The following RNFT2 variants were observed in gnomAD, a reference collection of about 807,000 sequenced individuals.
RNFT2 encodes the protein ring finger protein, transmembrane 2, also known as E3 ubiquitin-protein ligase RNFT2.
In RNFT2, 36 loss-of-function variants were observed where a neutral mutation model predicts 53.0. The observed-to-expected ratio is 0.68, with a 90% CI of 0.52 to 0.90. The LOEUF is 0.90. RNFT2 is among the 40% of genes least tolerant of loss of function. The pLI, the probability that RNFT2 is intolerant of heterozygous loss-of-function variation, is 0.00. For missense variants in RNFT2, 514 were observed against 585.6 expected, an observed-to-expected ratio of 0.88 and a Z score of 1.26; for synonymous variants, 260 against 253.2, an observed-to-expected ratio of 1.03 and a Z score of -0.26.
chr12:116,748,600 T>C (rs1872023623), intron 3 of RNFT2: 2 of 426,712 alleles, frequency 4.7e-6, no homozygotes, highest in Non-Finnish European at 4.7e-6. Context: ...AGCTGGAGTT[T>C]GAATGTGGGC....
intron 7 of RNFT2, among the ~76,000 whole-genome samples, chr12:116,806,179 G>C (rs1025757332): frequency 1.3e-5 from 2 of 151,984 alleles, no homozygotes; most frequent in African/African-American, 4.8e-5. Context: ...CCAGGAGTTC[G>C]AGACCAGCCT....
chr12:116,790,516 T>C (rs550090662), intron 7 of RNFT2, among the ~76,000 whole-genome samples: 28 of 152,348 alleles, frequency 1.8e-4, no homozygotes, highest in African/African-American at 6.7e-4. Context: ...AACAAACTTA[T>C]AGCAGCGGGA....
chr12:116,766,752 A>G, intron 5 of RNFT2, 62 bp from the exon 6 acceptor site: 2 of 1,244,904 alleles, frequency 1.6e-6, no homozygotes, highest in Non-Finnish European at 2.3e-6. Flanking sequence ...TCATCAGGGT[A>G]CATTCTGGAA....
chr12:116,766,900 G>A lies in RNFT2; in HGVS notation c.714G>A (p.Gln238=). 1 of 1,584,456 alleles carries A rather than the reference G, an allele frequency of 6.3e-7. No homozygotes were observed. The highest frequency in any genetic ancestry group is 1.8e-5 in the Admixed American group (1 of 55,236). Residue 238 remains glutamine, a synonymous_variant, in exon 6 of 11, where the codon CAG becomes CAA. Coordinates refer to ENST00000257575, the MANE Select transcript of RNFT2 (RefSeq NM_001382266.1). ...ATGTGCTTTATACATTCAGCTCCCA[G>A]CAGCTGTACAACAGGTGAGCATGGG... ...TLYVLYTFSS[Q]QLYNSLIFLK...
chr12:116,780,908 C>G (rs184431463), intron 7 of RNFT2, among the ~76,000 whole-genome samples: 1,695 of 152,240 alleles, frequency 0.011, 13 homozygotes, highest in African/African-American at 0.012. Flanking sequence ...CAGATCCCAG[C>G]CATACGCCTC....
At chr12:116,741,640 G>A (rs1049933274) in intron 3 of RNFT2, among the ~76,000 whole-genome samples, 1 of 152,080 alleles carries the variant, frequency 6.6e-6, no homozygotes, top group South Asian at 2.1e-4. Flanking sequence ...CTTCCAATAC[G>A]ATCAAATTAC....
chr12:116,808,242 C>A (rs1875182036), intron 7 of RNFT2, among the ~76,000 whole-genome samples: 1 of 151,962 alleles, frequency 6.6e-6, no homozygotes, highest in African/African-American at 2.4e-5. Flanking sequence ...TCGTAAGCCA[C>A]CACACCTGGC....
At chr12:116,801,799 GTTTT>G (rs1264361379) in intron 7 of RNFT2, among the ~76,000 whole-genome samples, 43 of 143,042 alleles carry the variant, frequency 3.0e-4, no homozygotes, top group African/African-American at 9.7e-4. Flanking sequence ...TTTCTGTGGG[GTTTT>G]TTTTGTTTGT....
chr12:116,787,859 C>T (rs1874008913), intron 7 of RNFT2, among the ~76,000 whole-genome samples: 1 of 152,172 alleles, frequency 6.6e-6, no homozygotes, highest in Non-Finnish European at 1.5e-5. Flanking sequence ...CCCTCTCCCT[C>T]TTTCACTCCC....
intron 7 of RNFT2, among the ~76,000 whole-genome samples, chr12:116,805,550 G>T (rs1194526996): frequency 6.6e-6 from 1 of 152,068 alleles, no homozygotes; most frequent in East Asian, 1.9e-4. Context: ...TCTCAGCTCA[G>T]TATAACCTTC....
intron 7 of RNFT2, among the ~76,000 whole-genome samples, chr12:116,785,720 C>T (rs969946672): frequency 9.9e-5 from 15 of 152,112 alleles, no homozygotes; most frequent in Non-Finnish European, 2.1e-4. Context: ...CTCAATCCTG[C>T]CCTGTGCCTT....
At chr12:116,744,793 G>A (rs926119405) in intron 3 of RNFT2, among the ~76,000 whole-genome samples, 26 of 152,170 alleles carry the variant, frequency 1.7e-4, no homozygotes, top group African/African-American at 5.8e-4. Context: ...AAGCCCCTTG[G>A]TGAGTTGAGT....
At chr12:116,815,886 C>G (rs1422157600) in intron 7 of RNFT2, among the ~76,000 whole-genome samples, 1 of 152,110 alleles carries the variant, frequency 6.6e-6, no homozygotes, top group Non-Finnish European at 1.5e-5. Flanking sequence ...CACTTGAGGA[C>G]CCTGTTTGTC....
chr12:116,828,032 C>A (rs141614443), intron 7 of RNFT2, among the ~76,000 whole-genome samples: 1 of 152,174 alleles, frequency 6.6e-6, no homozygotes, highest in Non-Finnish European at 1.5e-5. Flanking sequence ...GGCAGGGGCT[C>A]CCAGAGACAC....
chr12:116,836,823 T>G, intron 10 of RNFT2, among the ~76,000 whole-genome samples: 1 of 151,814 alleles, frequency 6.6e-6, no homozygotes, highest in East Asian at 1.9e-4. Context: ...CCAGCTACTC[T>G]GGAAGCTGAG....
chr12:116,833,091 G>A (rs1876767219), intron 7 of RNFT2, among the ~76,000 whole-genome samples: 1 of 151,860 alleles, frequency 6.6e-6, no homozygotes, highest in South Asian at 2.1e-4. Flanking sequence ...GCTAATTTTT[G>A]TATTTTTAGT....
intron 3 of RNFT2, among the ~76,000 whole-genome samples, chr12:116,742,734 G>C (rs1164651077): frequency 6.6e-6 from 1 of 152,130 alleles, no homozygotes; most frequent in Non-Finnish European, 1.5e-5. Flanking sequence ...CCTGAGTCCA[G>C]GAGTTAGTTG....
chr12:116,783,515 G>A (rs141358702), intron 7 of RNFT2, among the ~76,000 whole-genome samples: 4 of 152,356 alleles, frequency 2.6e-5, no homozygotes, highest in Non-Finnish European at 4.4e-5. Context: ...GCCTCGTCAA[G>A]GTGGACCAGC....
chr12:116,804,784 C>T (rs748939307), intron 7 of RNFT2, among the ~76,000 whole-genome samples: 13 of 152,092 alleles, frequency 8.5e-5, no homozygotes, highest in African/African-American at 7.2e-5. Context: ...CTAGGCAACA[C>T]GACAAAACCT....
Sources: allele counts gnomAD v4.1 joint callset (sites outside exome capture counted in the v4.1 genomes callset), GRCh38; gene constraint gnomAD v4.1.1; transcripts MANE v1.5; gene names NCBI Gene and HGNC (gene_info 2026-07-23, HGNC 2026-07-21).